The following STAM variants were observed in gnomAD, a reference collection of about 807,000 sequenced individuals.
The protein encoded by STAM is signal transducing adaptor molecule.
In STAM, 16 loss-of-function variants were observed where a neutral mutation model predicts 63.4. The ratio of observed to expected loss-of-function variants is 0.25; its 90% confidence interval spans 0.17 to 0.38. STAM has a LOEUF of 0.38. Ranked by LOEUF, STAM falls within the 10% of genes least tolerant of loss-of-function variation. STAM has a pLI of 1.00. For missense variants in STAM, 636 were observed against 657.1 expected, an observed-to-expected ratio of 0.97 and a Z score of 0.35; for synonymous variants, 238 against 223.9, an observed-to-expected ratio of 1.06 and a Z score of -0.56.
At chr10:17,649,985 G>T (rs1833674716) in intron 1 of STAM, among the ~76,000 whole-genome samples, 2 of 152,144 alleles carry the variant, frequency 1.3e-5, no homozygotes, top group Non-Finnish European at 2.9e-5. Context: ...TCATTTCCCT[G>T]CCTCTGCTAA....
intron 2 of STAM, among the ~76,000 whole-genome samples, chr10:17,676,270 T>C (rs1367557490): frequency 6.6e-6 from 1 of 152,268 alleles, no homozygotes; most frequent in African/African-American, 2.4e-5. Context: ...AACTGAATGG[T>C]TGAGAGTGGT....
chr10:17,670,551 G>A (rs1314159764), intron 2 of STAM, among the ~76,000 whole-genome samples: 1 of 152,024 alleles, frequency 6.6e-6, no homozygotes, highest in East Asian at 1.9e-4. Context: ...CTCCCCATAC[G>A]TTATGTTACA....
chr10:17,656,507 C>T (rs1163323206), intron 1 of STAM, among the ~76,000 whole-genome samples: 2 of 152,116 alleles, frequency 1.3e-5, no homozygotes, highest in African/African-American at 2.4e-5. Context: ...TAGGTCTTTC[C>T]TCTTGGGCTG....
chr10:17,676,557 C>T (rs144156282), intron 2 of STAM, among the ~76,000 whole-genome samples: 35 of 152,228 alleles, frequency 2.3e-4, no homozygotes, highest in East Asian at 3.9e-4. Context: ...TACCCTCTTA[C>T]GAACTATATG....
At chr10:17,692,767 T>C (rs57777616) in intron 5 of STAM, among the ~76,000 whole-genome samples, 1,799 of 152,326 alleles carry the variant, frequency 0.012, 41 homozygotes, top group African/African-American at 0.041. Context: ...TCTGAGTTCC[T>C]GAAGATAACA....
chr10:17,666,643 C>T (rs1236032835), intron 2 of STAM, among the ~76,000 whole-genome samples: 3 of 152,020 alleles, frequency 2.0e-5, no homozygotes, highest in South Asian at 2.1e-4. Context: ...GTGATCTGCC[C>T]GCCTTGGCCT....
Position 17,644,356 on chromosome 10 carries a change from C to G in STAM, c.17C>G (p.Thr6Ser). Reference protein sequence around the residue: MPLFATNPFDQDVEKA... With the variant: MPLFASNPFDQDVEKA... ...GCAGCGGAGATGCCTCTTTTTGCCA[C>G]CAATCCCTTCGATCAGGATGTTGGT... The change falls in exon 1 of 14, where the codon ACC (threonine) becomes AGC (serine). Residue 6 changes from threonine (T) to serine (S), a missense_variant. This residue lies in a region of STAM where 87 missense variants were observed against 80.3 expected (regional missense o/e 1.08). Transcript: ENST00000377524. The G allele has an allele frequency of 6.2e-7, 1 of 1,614,160 alleles. No individual in the cohort carries two copies. Among genetic ancestry groups the G allele is most frequent in the Non-Finnish European group, 8.5e-7 (1 of 1,180,030 alleles).
intron 9 of STAM, among the ~76,000 whole-genome samples, chr10:17,702,772 G>A (rs1190445439): frequency 6.6e-6 from 1 of 152,108 alleles, no homozygotes; most frequent in Admixed American, 6.5e-5. Flanking sequence ...CACTTCGGGA[G>A]GCCGAGGCGG....
intron 1 of STAM, among the ~76,000 whole-genome samples, chr10:17,652,812 A>G (rs1019561757): frequency 6.6e-6 from 1 of 152,210 alleles, no homozygotes; most frequent in Non-Finnish European, 1.5e-5. Context: ...CTTGGGCTTT[A>G]GAGGGGTTGA....
intron 7 of STAM, chr10:17,695,563 T>C (rs1835722001): frequency 5.2e-6 from 1 of 191,836 alleles, no homozygotes; most frequent in African/African-American, 2.3e-5. Context: ...TATGTATATG[T>C]ACTTAATGCA....
rs114719577 is a variant in STAM, at chr10:17,668,061, T to G, written c.125+7513T>G. ...TGACTCCAAGGTCCATCGGAGTTAATAAGATGTGATAGAAGTTGAAAAGCC... is the reference window on the plus strand; with the variant it reads ...TGACTCCAAGGTCCATCGGAGTTAAGAAGATGTGATAGAAGTTGAAAAGCC... On this transcript the variant is annotated intron_variant, in intron 2 of 13. Coordinates refer to ENST00000377524, the MANE Select transcript of STAM (RefSeq NM_003473.4). Among the ~76,000 whole-genome samples the G allele has an allele frequency of 3.9e-3, 591 of 152,292 alleles. 1 individual carries two copies. Among genetic ancestry groups the G allele is most frequent in the African/African-American group, 0.013 (559 of 41,558 alleles).
chr10:17,687,005 A>G (rs1285801691), intron 4 of STAM, among the ~76,000 whole-genome samples: 2 of 152,192 alleles, frequency 1.3e-5, no homozygotes, highest in Non-Finnish European at 2.9e-5. Flanking sequence ...GCCGCTATGA[A>G]GATACATCAG....
rs139214499 is a variant in STAM at position 17,648,581 on chromosome 10, C to T, written c.40+4202C>T. ...CAAAGGTCCGTGGCTTCATTCTTGA[C>T]GTCAGCGAGACCACAAACCCACCAG... On this transcript the variant is annotated intron_variant, in intron 1 of 13. Coordinates refer to ENST00000377524, the MANE Select transcript of STAM (RefSeq NM_003473.4). 1.5e-3 allele frequency among the ~76,000 whole-genome samples: 231 copies of T among 152,302 alleles called. 1 individual carries two copies. Among genetic ancestry groups the T allele is most frequent in the African/African-American group, 5.3e-3 (220 of 41,554 alleles).
chr10:17,644,423 A>C, intron 1 of STAM, 44 bp downstream of exon 1: 1 of 1,611,898 alleles, frequency 6.2e-7, no homozygotes, highest in Non-Finnish European at 8.5e-7. Flanking sequence ...ACCGGACTGC[A>C]CGCTCACTCT....
intron 1 of STAM, among the ~76,000 whole-genome samples, chr10:17,655,666 C>G (rs1833909211): frequency 6.6e-6 from 1 of 152,180 alleles, no homozygotes; most frequent in Non-Finnish European, 1.5e-5. Flanking sequence ...ATCTAGGCAA[C>G]AGGGCATGGA....
chr10:17,709,650 T>C (rs1836465402), intron 13 of STAM, among the ~76,000 whole-genome samples: 1 of 152,114 alleles, frequency 6.6e-6, no homozygotes, highest in Admixed American at 6.5e-5. Context: ...TACCAACGTG[T>C]ATTCTAGAAG....
intron 9 of STAM, among the ~76,000 whole-genome samples, chr10:17,701,945 A>G (rs542000891): frequency 2.0e-5 from 3 of 152,324 alleles, no homozygotes; most frequent in Non-Finnish European, 2.9e-5. Context: ...TAGGACCAAA[A>G]TGAATTTTCA....
chr10:17,657,943 A>C (rs1373168361), intron 1 of STAM, among the ~76,000 whole-genome samples: 1 of 146,518 alleles, frequency 6.8e-6, no homozygotes, highest in African/African-American at 2.5e-5. Flanking sequence ...GATTTTCTGT[A>C]TTGGTCTTAT....
At chr10:17,666,084 A>G (rs1007504083) in intron 2 of STAM, among the ~76,000 whole-genome samples, 1 of 152,222 alleles carries the variant, frequency 6.6e-6, no homozygotes, top group Non-Finnish European at 1.5e-5. Flanking sequence ...ACGTGAGGAT[A>G]AATACTGATT....
Sources: allele counts gnomAD v4.1 joint callset (sites outside exome capture counted in the v4.1 genomes callset), GRCh38; gene constraint gnomAD v4.1.1; regional missense constraint gnomAD v4.1.1; transcripts MANE v1.5; gene names NCBI Gene and HGNC (gene_info 2026-07-23, HGNC 2026-07-21).